Variants in KATNAL1 observed in about 807,000 individuals in gnomAD.
The protein encoded by KATNAL1 is katanin catalytic subunit A1 like 1.
KATNAL1 carries 32 observed loss-of-function variants against 55.2 expected under a neutral mutation model. The observed-to-expected ratio is 0.58, with a 90% CI of 0.44 to 0.78. The LOEUF (loss-of-function observed/expected upper bound fraction) is 0.78, where lower values mean the gene tolerates loss of function less well. Among genes scored for constraint, KATNAL1 ranks in the 30% least tolerant of loss-of-function variants. KATNAL1 has a pLI of 0.00. For missense variants in KATNAL1, 466 were observed against 600.9 expected (o/e 0.78, Z 2.35); for synonymous variants, 193 against 193.6 (o/e 1.00, Z 0.02).
At chr13:30,304,257 T>C (rs1306537711) in intron 1 of KATNAL1, among the ~76,000 whole-genome samples, 12 of 150,876 alleles carry the variant, frequency 8.0e-5, no homozygotes, top group Non-Finnish European at 1.6e-4. Flanking sequence ...CGCAAACACA[T>C]ACACACAACT....
chr13:30,211,867 T>TA, intron 9 of KATNAL1, among the ~76,000 whole-genome samples: 1 of 152,298 alleles, frequency 6.6e-6, no homozygotes, highest in Non-Finnish European at 1.5e-5. Flanking sequence ...CTTGTGGAAA[T>TA]AGACAAATAG....
At chr13:30,255,005 T>C (rs1566109817) in intron 4 of KATNAL1, among the ~76,000 whole-genome samples, 1 of 152,226 alleles carries the variant, frequency 6.6e-6, no homozygotes, top group African/African-American at 2.4e-5. Flanking sequence ...AAAAAAATCT[T>C]GTTCTACTAT....
intron 6 of KATNAL1, among the ~76,000 whole-genome samples, chr13:30,237,510 A>T (rs75956210): frequency 0.022 from 3,423 of 152,336 alleles, 67 homozygotes; most frequent in Non-Finnish European, 0.035. Flanking sequence ...TTTTCTAAGT[A>T]CAATTTTAAA....
intron 9 of KATNAL1, among the ~76,000 whole-genome samples, chr13:30,219,887 TTATACCAATA>T (rs1874672539): frequency 6.6e-6 from 1 of 152,194 alleles, no homozygotes; most frequent in African/African-American, 2.4e-5. Context: ...GTTCCTACCT[TTATACCAATA>T]TAAAGTATGT....
intron 3 of KATNAL1, among the ~76,000 whole-genome samples, chr13:30,262,625 T>C (rs1421319691): frequency 2.6e-5 from 4 of 151,888 alleles, no homozygotes; most frequent in Non-Finnish European, 4.4e-5. Flanking sequence ...CTAGAAGAAA[T>C]GGATAAATTC....
At chr13:30,274,905 G>GCGCA (rs778059582) in intron 3 of KATNAL1, among the ~76,000 whole-genome samples, 15 of 84,346 alleles carry the variant, frequency 1.8e-4, no homozygotes, top group African/African-American at 5.9e-4. Flanking sequence ...GCGCGCGCGC[G>GCGCA]CGCACACACA....
rs1877228522 is a variant in KATNAL1, at chr13:30,241,086, C to T, written c.493G>A (p.Gly165Arg). 2 of 1,611,702 alleles carry T rather than the reference C, an allele frequency of 1.2e-6. No individual in the cohort carries two copies. The highest frequency in any genetic ancestry group is 1.7e-6 in the Non-Finnish European group (2 of 1,179,456). ...GCACCATCTTGCATATTCTTCCTTC[C>T]CTGGGGATAGGTATAAAAAAAAAGT... The part of the protein sequence containing the change: ...DYRARGRDDK[G>R]RKNMQDGASD... The change falls in exon 5 of 11, where the codon GGA becomes AGA. Residue 165 changes from glycine to arginine, a missense_variant and splice_region_variant. Physicochemically the swap from Gly to Arg is moderately radical, Grantham distance 125 (BLOSUM62 -2). Around this residue, in one of 3 missense-constraint regions of KATNAL1, gnomAD observed 248 missense variants for 275.5 expected, o/e 0.90. Coordinates refer to ENST00000380615, the MANE Select transcript of KATNAL1 (RefSeq NM_032116.5).
intron 3 of KATNAL1, among the ~76,000 whole-genome samples, chr13:30,274,886 CACAT>C (rs200329258): frequency 8.1e-6 from 1 of 123,844 alleles, no homozygotes. Flanking sequence ...TGTGTGCACA[CACAT>C]ACGCGCGCGC....
chr13:30,284,094 A>G (rs1881611880), intron 1 of KATNAL1, among the ~76,000 whole-genome samples: 2 of 152,148 alleles, frequency 1.3e-5, no homozygotes, highest in African/African-American at 4.8e-5. Context: ...TCCTGTCCTT[A>G]GGTGATCCAC....
At position 30,240,577 on chromosome 13, in the gene KATNAL1, C is replaced by T. The variant is rs368879057; in HGVS notation, c.621-12G>A. ...CTGCTATGTCATCCCTTTGAAAGAA[C>T]AGCAAACTTTCATAATGTTTACTCA... On this transcript the variant is annotated splice_polypyrimidine_tract_variant and intron_variant, in intron 5 of 10. Coordinates refer to ENST00000380615, the MANE Select transcript of KATNAL1 (RefSeq NM_032116.5). 1.9e-6 allele frequency: 3 copies of T among 1,567,698 alleles called. No individual in the cohort carries two copies. The highest frequency in any genetic ancestry group is 2.6e-6 in the Non-Finnish European group (3 of 1,138,912).
At chr13:30,254,467 A>G (rs968769068) in intron 4 of KATNAL1, among the ~76,000 whole-genome samples, 3 of 152,174 alleles carry the variant, frequency 2.0e-5, no homozygotes, top group Non-Finnish European at 4.4e-5. Context: ...GAACTATCTC[A>G]TAAATAGAAA....
chr13:30,274,907 G>GCGCGCGCACACACACACA (rs869107567), intron 3 of KATNAL1, among the ~76,000 whole-genome samples: 2 of 105,390 alleles, frequency 1.9e-5, no homozygotes, highest in Non-Finnish European at 3.9e-5. Context: ...GCGCGCGCGC[G>GCGCGCGCACACACACACA]CACACACACA....
intron 4 of KATNAL1, among the ~76,000 whole-genome samples, chr13:30,246,075 C>T (rs955772284): frequency 2.0e-5 from 3 of 152,078 alleles, no homozygotes; most frequent in Non-Finnish European, 1.5e-5. Context: ...CCAAAAAGAG[C>T]CCATATAGCC....
At chr13:30,271,203 A>T (rs1367403460) in intron 3 of KATNAL1, among the ~76,000 whole-genome samples, 1 of 152,234 alleles carries the variant, frequency 6.6e-6, no homozygotes, top group Non-Finnish European at 1.5e-5. Context: ...TAACCCTACG[A>T]AGTAATTTTC....
intron 3 of KATNAL1, among the ~76,000 whole-genome samples, chr13:30,273,336 CTG>C (rs1218666615): frequency 6.6e-6 from 1 of 152,180 alleles, no homozygotes; most frequent in East Asian, 1.9e-4. Flanking sequence ...TTCACCAAAA[CTG>C]TGCAACAAGG....
At chr13:30,276,141 A>G (rs1467995025) in intron 3 of KATNAL1, among the ~76,000 whole-genome samples, 2 of 152,190 alleles carry the variant, frequency 1.3e-5, no homozygotes, top group African/African-American at 4.8e-5. Context: ...AATTTCCACT[A>G]CCTACCACCA....
chr13:30,261,182 A>G (rs1879256556), intron 3 of KATNAL1, among the ~76,000 whole-genome samples: 1 of 152,168 alleles, frequency 6.6e-6, no homozygotes, highest in South Asian at 2.1e-4. Context: ...AGATTTTGTC[A>G]CCACCAGGCC....
rs1439785678 is a variant in KATNAL1, at chr13:30,255,551, C to T, written c.388G>A (p.Val130Ile). Residue 130 changes from valine (V) to isoleucine (I), a missense_variant, in exon 4 of 11, where the codon GTA becomes ATA. Transcript: ENST00000380615. ...VRPLRKEMAG[V>I]GARGPVGRAH... The stretch of plus-strand genomic sequence containing the variant: ...CGGCCTACAGGTCCCCGGGCTCCTA[C>T]TCCTGCCATTTCTTTCCTCAGAGGT... The T allele has an allele frequency of 1.5e-5, 24 of 1,589,500 alleles. No individual in the cohort carries two copies. The highest frequency in any genetic ancestry group is 2.0e-5 in the Non-Finnish European group (23 of 1,167,878).
At chr13:30,279,085 G>GT (rs1566124994) in intron 3 of KATNAL1, among the ~76,000 whole-genome samples, 1 of 152,144 alleles carries the variant, frequency 6.6e-6, no homozygotes, top group Non-Finnish European at 1.5e-5. Context: ...AAAGGAAAAC[G>GT]TATTTTCTAC....
Sources: gnomAD v4.1 joint callset for allele counts (sites outside exome capture counted in the v4.1 genomes callset) on GRCh38, gnomAD v4.1.1 for gene constraint, gnomAD v4.1.1 regional missense constraint, MANE v1.5 for transcripts, NCBI Gene and HGNC (gene_info 2026-07-23, HGNC 2026-07-21) for gene names.